The following NOX4 variants were observed in gnomAD, a reference collection of about 807,000 sequenced individuals.
The protein encoded by NOX4 is kidney oxidase-1.
In NOX4, 69 loss-of-function variants were observed where a neutral mutation model predicts 87.6. That is an observed-to-expected ratio of 0.79 (90% CI 0.65 to 0.96). NOX4 has a LOEUF of 0.96. Among genes scored for constraint, NOX4 ranks in the 40% least tolerant of loss-of-function variants. The pLI, the probability that NOX4 is intolerant of heterozygous loss-of-function variation, is 0.00. For synonymous variants in NOX4, 275 were observed against 238.2 expected (o/e 1.15, Z -1.42); for missense variants, 680 against 681.5 (o/e 1.00, Z 0.02).
Position 89,400,201 on chromosome 11 carries a change from G to A in NOX4, c.1011+14C>T, listed in dbSNP as rs1221572856. The A allele has an allele frequency of 1.9e-6, 3 of 1,607,868 alleles. No homozygotes were observed. The African/African-American group carries it at 4.0e-5, about 22-fold the overall frequency. The stretch of plus-strand genomic sequence containing the variant: ...GATAAAGGCTATTTAAAAAGTTGCT[G>A]ACCACTGACTCACCTGACCAGGTCT... On this transcript the variant is annotated intron_variant, in intron 10 of 17. Coordinates refer to ENST00000263317, the MANE Select transcript of NOX4 (RefSeq NM_016931.5).
intron 7 of NOX4, among the ~76,000 whole-genome samples, chr11:89,428,628 A>G (rs969402756): frequency 1.3e-5 from 2 of 152,140 alleles, no homozygotes; most frequent in Non-Finnish European, 2.9e-5. Flanking sequence ...AGGCCATTAC[A>G]TAATGGTAAA....
intron 12 of NOX4, among the ~76,000 whole-genome samples, chr11:89,371,947 G>A (rs552169702): frequency 2.4e-4 from 37 of 151,718 alleles, no homozygotes; most frequent in African/African-American, 7.7e-4. Context: ...CCAATTCCAA[G>A]CTGGCTACCC....
chr11:89,564,754 G>GTT, the NOX4 span, among the ~76,000 whole-genome samples: 67,078 of 148,244 alleles, frequency 0.45, 15,119 homozygotes, highest in East Asian at 0.55. Context: ...TTTGTTTTTT[G>GTT]TTTTTTTTTT....
rs560290186 is a variant in NOX4, at chr11:89,476,145, T to A, written c.153+14313A>T. ...TGCAGTTCAGGAAGTTAGGGTGAGT[T>A]GTTTTCTACTTTTTTATTTACCTGT... On this transcript the variant is annotated intron_variant, in intron 2 of 17. Coordinates refer to ENST00000263317, the MANE Select transcript of NOX4 (RefSeq NM_016931.5). Among the ~76,000 whole-genome samples the A allele has an allele frequency of 2.0e-5, 3 of 152,216 alleles. No individual in the cohort carries two copies. In the East Asian group the frequency reaches 5.8e-4, roughly 29 times the overall value.
chr11:89,496,179 T>G (rs1946947339), upstream of NOX4, among the ~76,000 whole-genome samples: 1 of 152,162 alleles, frequency 6.6e-6, no homozygotes, highest in Non-Finnish European at 1.5e-5. Flanking sequence ...AAAACAAGTG[T>G]AGACCATCAT....
intron 7 of NOX4, among the ~76,000 whole-genome samples, chr11:89,431,916 G>A (rs1287399722): frequency 6.6e-6 from 1 of 152,102 alleles, no homozygotes; most frequent in Non-Finnish European, 1.5e-5. Context: ...GTTTATTGCG[G>A]CACTATTCAC....
chr11:89,586,611 G>T, the NOX4 span, among the ~76,000 whole-genome samples: 1 of 152,148 alleles, frequency 6.6e-6, no homozygotes, highest in South Asian at 2.1e-4. Flanking sequence ...CTGAAGTTTA[G>T]TGGTATAATC....
chr11:89,350,258 A>G (rs1236934675), intron 13 of NOX4, among the ~76,000 whole-genome samples: 1 of 152,200 alleles, frequency 6.6e-6, no homozygotes, highest in Non-Finnish European at 1.5e-5. Flanking sequence ...GCACCATTGC[A>G]GGAGTTATTT....
intron 13 of NOX4, among the ~76,000 whole-genome samples, chr11:89,349,901 A>T (rs904723276): frequency 6.6e-6 from 1 of 152,228 alleles, no homozygotes; most frequent in Non-Finnish European, 1.5e-5. Context: ...TTACAAGGAT[A>T]AAAATATATT....
intron 12 of NOX4, among the ~76,000 whole-genome samples, chr11:89,361,881 C>T (rs552814005): frequency 2.6e-5 from 4 of 152,144 alleles, no homozygotes; most frequent in Admixed American, 1.3e-4. Context: ...CTGTGGAGAG[C>T]GCAGTTGGCA....
intron 12 of NOX4, among the ~76,000 whole-genome samples, chr11:89,356,756 C>A (rs1938092463): frequency 6.6e-6 from 1 of 151,934 alleles, no homozygotes; most frequent in Non-Finnish European, 1.5e-5. Context: ...ATTGTGCCAC[C>A]AAGATACAGA....
chr11:89,366,597 T>C (rs1195571844), intron 12 of NOX4, among the ~76,000 whole-genome samples: 3 of 150,674 alleles, frequency 2.0e-5, no homozygotes, highest in Non-Finnish European at 4.4e-5. Flanking sequence ...GATCCATAGA[T>C]CCTTCCATAG....
At chr11:89,468,868 T>C (rs571558513) in intron 2 of NOX4, among the ~76,000 whole-genome samples, 276 of 152,186 alleles carry the variant, frequency 1.8e-3, no homozygotes, top group African/African-American at 6.4e-3. Context: ...CCTCAGCCTC[T>C]AGAGTAGCTG....
intron 14 of NOX4, among the ~76,000 whole-genome samples, chr11:89,341,178 A>G (rs1945983133): frequency 1.5e-5 from 2 of 133,290 alleles, no homozygotes; most frequent in African/African-American, 5.9e-5. Context: ...ACTGGAGTGC[A>G]GTGGCGCCAT....
chr11:89,427,213 C>T (rs1943470440), intron 7 of NOX4, among the ~76,000 whole-genome samples: 1 of 152,138 alleles, frequency 6.6e-6, no homozygotes, highest in South Asian at 2.1e-4. Context: ...ACACCAAAAC[C>T]TCATTCGCAT....
chr11:89,524,084 G>T, the NOX4 span, among the ~76,000 whole-genome samples: 2 of 152,144 alleles, frequency 1.3e-5, no homozygotes, highest in Admixed American at 6.6e-5. Context: ...GTGGTTTATG[G>T]ATATACAAAT....
intron 11 of NOX4, among the ~76,000 whole-genome samples, chr11:89,387,406 C>T (rs1270149333): frequency 1.3e-5 from 2 of 152,066 alleles, no homozygotes; most frequent in Non-Finnish European, 2.9e-5. Flanking sequence ...TGTAATTTTC[C>T]ATTACCTACA....
chr11:89,506,454 A>G, the NOX4 span, among the ~76,000 whole-genome samples: 2 of 151,786 alleles, frequency 1.3e-5, no homozygotes, highest in Non-Finnish European at 1.5e-5. Context: ...TCATAGACCT[A>G]AATGTAAAGC....
chr11:89,451,979 T>C (rs1944983058), intron 2 of NOX4, 84 bp from the exon 3 acceptor site: 2 of 849,984 alleles, frequency 2.4e-6, no homozygotes, highest in Admixed American at 2.1e-5. Context: ...GGTCTCACCC[T>C]ATTGCTCTTT....
Sources: gnomAD v4.1 joint callset for allele counts (sites outside exome capture counted in the v4.1 genomes callset) on GRCh38, gnomAD v4.1.1 for gene constraint, MANE v1.5 for transcripts, NCBI Gene and HGNC (gene_info 2026-07-23, HGNC 2026-07-21) for gene names.